Variants in SPIRE1 observed in about 807,000 individuals in gnomAD.
The protein encoded by SPIRE1 is protein spire homolog 1.
Under a neutral mutation model 94.1 loss-of-function variants are expected in SPIRE1, and 40 were observed. That is an observed-to-expected ratio of 0.43 (90% confidence interval 0.33 to 0.55). The LOEUF is 0.55. Ranked by LOEUF, SPIRE1 falls within the 20% of genes least tolerant of loss-of-function variation. The pLI is 0.06. For synonymous variants in SPIRE1, 376 were observed against 371.7 expected, an observed-to-expected ratio of 1.01 and a Z score of -0.13; for missense variants, 838 against 975.2, an observed-to-expected ratio of 0.86 and a Z score of 1.87.
intron 2 of SPIRE1, among the ~76,000 whole-genome samples, chr18:12,595,046 T>C (rs2036632444): frequency 6.6e-6 from 1 of 152,112 alleles, no homozygotes; most frequent in South Asian, 2.1e-4. Flanking sequence ...GGGAGGCCAA[T>C]GCGGGATAAC....
At position 12,527,804 on chromosome 18, in the gene SPIRE1, C is replaced by T. The variant is rs181170318; in HGVS notation, c.729+7672G>A. On this transcript the variant is annotated intron_variant, in intron 4 of 16. Coordinates refer to ENST00000409402, the MANE Select transcript of SPIRE1 (RefSeq NM_001128626.2). ...TATGTTGGCCAGGTGCAGTGGCTCA[C>T]GCCTGTAATCCCAGCACTTTGGGAG... Among the ~76,000 whole-genome samples, 410 of 152,056 alleles carry T rather than the reference C, an allele frequency of 2.7e-3. 4 individuals carry two copies. Among genetic ancestry groups the T allele is most frequent in the Middle Eastern group, 6.8e-3 (2 of 294 alleles).
chr18:12,630,574 G>A (rs2037747182), intron 2 of SPIRE1, among the ~76,000 whole-genome samples: 3 of 152,306 alleles, frequency 2.0e-5, no homozygotes, highest in African/African-American at 4.8e-5. Flanking sequence ...CAGGAGAATC[G>A]CTTGAACCTG....
At chr18:12,537,614 C>G (rs2034878976) in intron 3 of SPIRE1, among the ~76,000 whole-genome samples, 1 of 152,030 alleles carries the variant, frequency 6.6e-6, no homozygotes, top group South Asian at 2.1e-4. Context: ...CAATCTTACA[C>G]ATAAAAAATC....
At chr18:12,560,603 C>A (rs1361261574) in intron 2 of SPIRE1, among the ~76,000 whole-genome samples, 1 of 152,196 alleles carries the variant, frequency 6.6e-6, no homozygotes. Context: ...CTAATCCCAG[C>A]ACTTTGGCAT....
intron 2 of SPIRE1, among the ~76,000 whole-genome samples, chr18:12,566,438 T>C (rs2035822653): frequency 6.6e-6 from 1 of 152,140 alleles, no homozygotes; most frequent in African/African-American, 2.4e-5. Context: ...GAAGTAAAAA[T>C]AAGTGATGGT....
At chr18:12,624,017 G>T (rs1389911727) in intron 2 of SPIRE1, among the ~76,000 whole-genome samples, 1 of 150,408 alleles carries the variant, frequency 6.6e-6, no homozygotes, top group Non-Finnish European at 1.5e-5. Context: ...TCTGCCTCAA[G>T]GGTTCAAGCC....
At chr18:12,574,246 A>T (rs962455724) in intron 2 of SPIRE1, among the ~76,000 whole-genome samples, 7 of 152,202 alleles carry the variant, frequency 4.6e-5, no homozygotes, top group Non-Finnish European at 8.8e-5. Context: ...TTAATTTTTA[A>T]AAAAATAGAT....
intron 1 of SPIRE1, among the ~76,000 whole-genome samples, chr18:12,643,977 T>C (rs914249576): frequency 4.0e-5 from 6 of 149,582 alleles, no homozygotes; most frequent in Non-Finnish European, 5.9e-5. Flanking sequence ...GCGAATCATT[T>C]GAGGTCAGGA....
intron 4 of SPIRE1, among the ~76,000 whole-genome samples, chr18:12,526,702 A>AT (rs138928633): frequency 0.15 from 22,001 of 150,746 alleles, 1,788 homozygotes; most frequent in East Asian, 0.32. Flanking sequence ...AAGACATTTT[A>AT]TTTTTTTTAA....
At chr18:12,512,256 T>C (rs2051257) in intron 5 of SPIRE1, among the ~76,000 whole-genome samples, 198 bp downstream of exon 5, 18,827 of 151,952 alleles carry the variant, frequency 0.12, 1,429 homozygotes, top group East Asian at 0.32. Flanking sequence ...CCTGGCTACT[T>C]GGGAGGCTGA....
intron 2 of SPIRE1, among the ~76,000 whole-genome samples, chr18:12,631,373 G>A (rs187995034): frequency 6.6e-6 from 1 of 151,550 alleles, no homozygotes; most frequent in African/African-American, 2.4e-5. Context: ...TGAGAACAGT[G>A]GAATTGTTTT....
At chr18:12,461,439 T>C (rs12965319) in intron 12 of SPIRE1, among the ~76,000 whole-genome samples, 16 of 52,182 alleles carry the variant, frequency 3.1e-4, no homozygotes, top group African/African-American at 5.9e-4. Flanking sequence ...TATGTATGTA[T>C]ATACATACAT....
chr18:12,548,849 A>C (rs1049783110), intron 2 of SPIRE1, among the ~76,000 whole-genome samples: 2 of 152,108 alleles, frequency 1.3e-5, no homozygotes, highest in Non-Finnish European at 2.9e-5. Flanking sequence ...TCCTGGACTT[A>C]AGCAATGGGC....
rs2035809013 is a variant in SPIRE1, at chr18:12,565,984, G to T, written c.373-19080C>A. Among the ~76,000 whole-genome samples, 3 of 150,658 alleles carry T rather than the reference G, an allele frequency of 2.0e-5. No individual in the cohort carries two copies. The South Asian group carries it at 6.3e-4, about 32-fold the overall frequency. Reference sequence around the variant, plus strand: ...GGAGGTGGAGGTTGCAGTGAGCCAAGATCGTGCCATTGCACTCCAGCCTGG... The same window carrying T: ...GGAGGTGGAGGTTGCAGTGAGCCAATATCGTGCCATTGCACTCCAGCCTGG... On this transcript the variant is annotated intron_variant, in intron 2 of 16. Coordinates refer to ENST00000409402, the MANE Select transcript of SPIRE1 (RefSeq NM_001128626.2).
intron 2 of SPIRE1, among the ~76,000 whole-genome samples, chr18:12,553,432 T>G (rs1489276473): frequency 6.6e-6 from 1 of 151,954 alleles, no homozygotes; most frequent in African/African-American, 2.4e-5. Flanking sequence ...ACATCAGCAG[T>G]AGCCTGGCAG....
chr18:12,646,259 T>C (rs965718995), intron 1 of SPIRE1, among the ~76,000 whole-genome samples: 6 of 152,130 alleles, frequency 3.9e-5, no homozygotes, highest in African/African-American at 1.2e-4. Flanking sequence ...CCAGATCTCC[T>C]CTGTAACACT....
At chr18:12,512,311 CG>C in intron 5 of SPIRE1, 142 bp downstream of exon 5, 2 of 567,104 alleles carry the variant, frequency 3.5e-6, no homozygotes, top group African/African-American at 1.9e-5. Flanking sequence ...TTGCAGTACC[CG>C]GGAGGTGGGG....
intron 6 of SPIRE1, among the ~76,000 whole-genome samples, chr18:12,503,982 T>C (rs1047523994): frequency 6.8e-6 from 1 of 147,254 alleles, no homozygotes; most frequent in Non-Finnish European, 1.5e-5. Flanking sequence ...AATATGTACA[T>C]AGCACAGAGC....
intron 10 of SPIRE1, among the ~76,000 whole-genome samples, chr18:12,466,841 A>T (rs950505782): frequency 2.0e-5 from 3 of 152,196 alleles, no homozygotes; most frequent in Non-Finnish European, 4.4e-5. Context: ...GCATAAAGTA[A>T]CTTTTAAGAA....
Sources: gnomAD v4.1 joint callset for allele counts (sites outside exome capture counted in the v4.1 genomes callset) on GRCh38, gnomAD v4.1.1 for gene constraint, MANE v1.5 for transcripts, NCBI Gene and HGNC (gene_info 2026-07-23, HGNC 2026-07-21) for gene names.